Variants in CPA6 observed in about 807,000 individuals in gnomAD.
CPA6 encodes carboxypeptidase B.
Under a neutral mutation model 63.3 loss-of-function variants are expected in CPA6, and 58 were observed. The ratio of observed to expected loss-of-function variants is 0.92; its 90% CI spans 0.74 to 1.14. The LOEUF is 1.14. CPA6 is among the 50% of genes most tolerant of loss of function. The pLI, the probability that CPA6 is intolerant of heterozygous loss-of-function variation, is 0.00. For missense variants in CPA6, 565 were observed against 526.6 expected (o/e 1.07, Z -0.71); for synonymous variants, 185 against 179.0 (o/e 1.03, Z -0.27).
At chr8:67,562,701 C>T (rs1813243620) in intron 2 of CPA6, among the ~76,000 whole-genome samples, 1 of 152,128 alleles carries the variant, frequency 6.6e-6, no homozygotes, top group Admixed American at 6.6e-5. Context: ...CCCCAATGAG[C>T]TCTCATATAA....
chr8:67,716,151 CAAAAAA>C (rs56275918), intron 1 of CPA6, among the ~76,000 whole-genome samples: 7,582 of 76,416 alleles, frequency 0.099, 280 homozygotes, highest in Non-Finnish European at 0.13. Context: ...GAGCTTGTCT[CAAAAAA>C]AAAAAAAAAA....
At chr8:67,628,991 T>G (rs1280849700) in intron 1 of CPA6, among the ~76,000 whole-genome samples, 1 of 152,172 alleles carries the variant, frequency 6.6e-6, no homozygotes, top group East Asian at 1.9e-4. Context: ...GGCACATGCC[T>G]GTGGTCCCAG....
chr8:67,682,815 G>T (rs1274704347), intron 1 of CPA6, among the ~76,000 whole-genome samples: 3 of 152,056 alleles, frequency 2.0e-5, no homozygotes, highest in African/African-American at 7.2e-5. Context: ...TTTCTACTCT[G>T]GCCTTTGAGA....
intron 6 of CPA6, among the ~76,000 whole-genome samples, chr8:67,491,223 GTTTTTTTTTT>G (rs11379483): frequency 8.0e-6 from 1 of 125,444 alleles, no homozygotes; most frequent in East Asian, 2.5e-4. Flanking sequence ...TTACAGGGAA[GTTTTTTTTTT>G]TTTTTTTTTC....
chr8:67,592,619 A>G (rs373674252), intron 2 of CPA6, among the ~76,000 whole-genome samples: 29 of 151,232 alleles, frequency 1.9e-4, no homozygotes, highest in Admixed American at 8.6e-4. Context: ...GTCTTGGGAG[A>G]GTGTATGTGT....
chr8:67,538,078 A>ATTTTGGAAT (rs1211813916), intron 2 of CPA6, among the ~76,000 whole-genome samples: 2 of 152,110 alleles, frequency 1.3e-5, no homozygotes, highest in Non-Finnish European at 2.9e-5. Flanking sequence ...GTTCTTTTGC[A>ATTTTGGAAT]TTTGCTGAGG....
At chr8:67,552,571 A>G (rs1174930651) in intron 2 of CPA6, among the ~76,000 whole-genome samples, 1 of 151,990 alleles carries the variant, frequency 6.6e-6, no homozygotes, top group Non-Finnish European at 1.5e-5. Context: ...CAGGAGATCA[A>G]GACCATCCTG....
At chr8:67,504,067 G>A (rs1418015943) in intron 6 of CPA6, among the ~76,000 whole-genome samples, 1 of 152,108 alleles carries the variant, frequency 6.6e-6, no homozygotes, top group Non-Finnish European at 1.5e-5. Context: ...TTTTGCTGAG[G>A]CTTAGAAAGG....
intron 2 of CPA6, among the ~76,000 whole-genome samples, chr8:67,579,544 G>A (rs554233293): frequency 6.6e-6 from 1 of 152,284 alleles, no homozygotes; most frequent in South Asian, 2.1e-4. Flanking sequence ...CACATAGATT[G>A]TTCCAGTGAT....
chr8:67,455,023 A>G (rs1180676701), intron 8 of CPA6, among the ~76,000 whole-genome samples: 5 of 152,196 alleles, frequency 3.3e-5, no homozygotes, highest in Non-Finnish European at 7.4e-5. Context: ...AAGAGACTCA[A>G]TGGAGCTCAA....
intron 2 of CPA6, among the ~76,000 whole-genome samples, chr8:67,580,875 C>T (rs62513792): frequency 0.05 from 7,594 of 152,198 alleles, 283 homozygotes; most frequent in Non-Finnish European, 0.083. Context: ...ATCGAGATGT[C>T]TTATTTAAGG....
intron 1 of CPA6, among the ~76,000 whole-genome samples, chr8:67,720,185 G>A (rs1388356336): frequency 1.4e-5 from 2 of 147,700 alleles, no homozygotes; most frequent in Non-Finnish European, 3.0e-5. Flanking sequence ...TGCTCAGTGG[G>A]GGTGCTTTTT....
chr8:67,428,515 G>A (rs968784882), intron 9 of CPA6, among the ~76,000 whole-genome samples: 2 of 151,754 alleles, frequency 1.3e-5, no homozygotes, highest in Non-Finnish European at 2.9e-5. Flanking sequence ...AAGGAGTCTC[G>A]CTCTGTCGCC....
At chr8:67,594,094 C>T (rs930110219) in intron 2 of CPA6, among the ~76,000 whole-genome samples, 6 of 152,120 alleles carry the variant, frequency 3.9e-5, no homozygotes, top group Non-Finnish European at 7.4e-5. Context: ...GACAAAATCT[C>T]TCAGCATTTG....
At chr8:67,530,625 A>G (rs1812458442) in intron 2 of CPA6, among the ~76,000 whole-genome samples, 1 of 152,224 alleles carries the variant, frequency 6.6e-6, no homozygotes, top group Non-Finnish European at 1.5e-5. Flanking sequence ...GAAAACGCCA[A>G]CTAGAGCTGT....
At chr8:67,599,181 G>A (rs1019940765) in intron 2 of CPA6, among the ~76,000 whole-genome samples, 4 of 152,130 alleles carry the variant, frequency 2.6e-5, no homozygotes, top group Admixed American at 2.0e-4. Flanking sequence ...GATAAATGCC[G>A]CAATCATCAA....
chr8:67,470,406 G>A (rs1451828911), intron 8 of CPA6, among the ~76,000 whole-genome samples: 3 of 151,762 alleles, frequency 2.0e-5, no homozygotes, highest in East Asian at 1.9e-4. Flanking sequence ...CAGTTACAGC[G>A]CCCAGCTTAG....
rs190332488 is a variant in CPA6 at position 67,730,820 on chromosome 8, T to C, written c.116+15194A>G. Among the ~76,000 whole-genome samples, 123 of 152,334 alleles carry C rather than the reference T, an allele frequency of 8.1e-4. 1 individual carries two copies. The highest frequency in any genetic ancestry group is 2.6e-3 in the African/African-American group (107 of 41,576). On this transcript the variant is annotated intron_variant, in intron 1 of 10. Coordinates refer to ENST00000297770, the MANE Select transcript of CPA6 (RefSeq NM_020361.5). ...GAGTAACTGACTTTCCATTGTCCCA[T>C]ACAATGAACAGAAGAATCTTTGGAG...
chr8:67,583,644 G>C (rs531323580), intron 2 of CPA6, among the ~76,000 whole-genome samples: 2 of 152,284 alleles, frequency 1.3e-5, no homozygotes, highest in East Asian at 1.9e-4. Context: ...AATTCAGGTG[G>C]AGTGGCATGG....
Sources: gnomAD v4.1 joint callset for allele counts (sites outside exome capture counted in the v4.1 genomes callset) on GRCh38, gnomAD v4.1.1 for gene constraint, MANE v1.5 for transcripts, NCBI Gene and HGNC (gene_info 2026-07-23, HGNC 2026-07-21) for gene names.